PDX1: variants seen among roughly 807,000 people sequenced by gnomAD.
PDX1 encodes pancreatic and duodenal homeobox 1, also known as pancreas/duodenum homeobox protein 1.
A neutral mutation model predicts 11.1 loss-of-function variants in PDX1; 7 were observed. That is an observed-to-expected ratio of 0.63 (90% CI 0.36 to 1.19). The LOEUF (loss-of-function observed/expected upper bound fraction) is 1.19, where lower values mean the gene tolerates loss of function less well. PDX1 is among the 50% of genes most tolerant of loss of function. The probability of loss-of-function intolerance (pLI) is 0.02; values close to 1 mark genes in which losing one functional copy is unlikely to be tolerated. For missense variants in PDX1, 449 were observed against 412.1 expected, an observed-to-expected ratio of 1.09 and a Z score of -0.78; for synonymous variants, 232 against 196.2, an observed-to-expected ratio of 1.18 and a Z score of -1.53.
chr13:27,924,543 G>T lies in PDX1; in HGVS notation c.694G>T (p.Gly232Cys). ...EPEQDCAVTS[G>C]EELLALPPPP... Reference sequence around the variant, plus strand: ...TGAGCAGGACTGCGCCGTGACCTCCGGCGAGGAGCTTCTGGCGCTGCCGCC... The same window carrying T: ...TGAGCAGGACTGCGCCGTGACCTCCTGCGAGGAGCTTCTGGCGCTGCCGCC... The change falls in exon 2 of 2, where the codon GGC becomes TGC. Residue 232 changes from glycine to cysteine, a missense_variant. By Grantham distance (159) the Gly-to-Cys change is radical (BLOSUM62 -3). Transcript: ENST00000381033. The surrounding 1 kb of genome is among the most constrained non-coding windows in gnomAD (Gnocchi z 4.8). 1 of 1,580,772 alleles carries T rather than the reference G, an allele frequency of 6.3e-7. No homozygotes were observed. Among genetic ancestry groups the T allele is most frequent in the Non-Finnish European group, 8.6e-7 (1 of 1,165,630 alleles).
At position 27,924,898 on chromosome 13, in the gene PDX1, G is replaced by C; in HGVS notation, c.*197G>C. 2.2e-6 allele frequency: 1 copy of C among 451,384 alleles called. No homozygotes were observed. The highest frequency in any genetic ancestry group is 6.5e-5 in the South Asian group (1 of 15,438). The allele number at this position is 451,384 out of a possible 1,614,324, so 28.0% of individuals were successfully genotyped here. A position where few individuals can be genotyped will look rare whatever the true frequency, so the allele number is the denominator to read the frequency against. On this transcript the variant is annotated 3_prime_UTR_variant, in exon 2 of 2. Coordinates refer to ENST00000381033, the MANE Select transcript of PDX1 (RefSeq NM_000209.4). The surrounding 1 kb of genome is among the most constrained non-coding windows in gnomAD (Gnocchi z 4.8). ...GTTGGGGCCCCGCGGGTAGATGCCG[G>C]CAGGCCTTCCGGAAGAAAAAGAGCC...
At position 27,924,745 on chromosome 13, in the gene PDX1, G is replaced by T; in HGVS notation, c.*44G>T. 1 of 1,398,846 alleles carries T rather than the reference G, an allele frequency of 7.1e-7. No individual in the cohort carries two copies. The highest frequency in any genetic ancestry group is 9.3e-7 in the Non-Finnish European group (1 of 1,074,708). The allele number at this position is 1,398,846 out of a possible 1,614,324, so 86.7% of individuals were successfully genotyped here. A position where few individuals can be genotyped will look rare whatever the true frequency, so the allele number is the denominator to read the frequency against. ...GGCTGAGGGGCTTCAACCACTCGCC[G>T]AGGAGGAGCAGAGGGCCTAGGAGGA... is the stretch of plus-strand genomic sequence containing the variant. On this transcript the variant is annotated 3_prime_UTR_variant, in exon 2 of 2. Transcript: ENST00000381033. The surrounding 1 kb of genome is among the most constrained non-coding windows in gnomAD (Gnocchi z 4.8).
Position 27,924,569 on chromosome 13 carries a change from GC to G in PDX1, c.722del (p.Pro241ArgfsTer65), listed in dbSNP as rs1566025706. 2.6e-6 allele frequency: 4 copies of G among 1,511,862 alleles called. No homozygotes were observed. Among genetic ancestry groups the G allele is most frequent in the Non-Finnish European group, 2.6e-6 (3 of 1,135,470 alleles). 93.7% of individuals were successfully genotyped at this position (1,511,862 alleles called of 1,614,324 possible). ...SGEELLALPPPPPPGGAVPPA... is the reference protein window; with the variant it reads ...SGEELLALPPXPPPGGAVPPA... The stretch of plus-strand genomic sequence containing the variant: ...GCGAGGAGCTTCTGGCGCTGCCGCC[GC>G]CGCCGCCCCCCGGAGGTGCTGTGCC... On this transcript the variant is annotated frameshift_variant, in exon 2 of 2. Coordinates refer to ENST00000381033, the MANE Select transcript of PDX1 (RefSeq NM_000209.4). LOFTEE classifies it low-confidence loss of function (END_TRUNC). This position sits in a 1 kb window ranked among gnomAD's most constrained non-coding sequence, Gnocchi z 4.8.
Position 27,925,497 on chromosome 13 carries a change from T to C in PDX1, c.*796T>C. Reference sequence around the variant, plus strand: ...CTCCCTCCTCTTCCTCTTCCTCCTCTTCCACGTGCTCTCCTTTCCTCCCCC... The same window carrying C: ...CTCCCTCCTCTTCCTCTTCCTCCTCCTCCACGTGCTCTCCTTTCCTCCCCC... On this transcript the variant is annotated 3_prime_UTR_variant, in exon 2 of 2. Coordinates refer to ENST00000381033, the MANE Select transcript of PDX1 (RefSeq NM_000209.4). 6.8e-6 allele frequency: 1 copy of C among 147,960 alleles called. No homozygotes were observed. The highest frequency in any genetic ancestry group is 1.4e-4 in the South Asian group (1 of 6,986). 9.2% of individuals were successfully genotyped at this position (147,960 alleles called of 1,614,324 possible). A position where few individuals can be genotyped will look rare whatever the true frequency, so the allele number is the denominator to read the frequency against.
chr13:27,920,586 C>A, intron 1 of PDX1, 42 bp downstream of exon 1: 1 of 1,603,920 alleles, frequency 6.2e-7, no homozygotes, highest in Non-Finnish European at 8.5e-7. Context: ...CCGGTTCTCA[C>A]CCGGCCGCCT....
chr13:27,924,865 A>T lies in PDX1; in HGVS notation c.*164A>T, dbSNP rs1245021844. 3.5e-6 allele frequency: 2 copies of T among 577,578 alleles called. No homozygotes were observed. The highest frequency in any genetic ancestry group is 7.1e-5 in the East Asian group (2 of 28,310). 35.8% of individuals were successfully genotyped at this position (577,578 alleles called of 1,614,324 possible). A position where few individuals can be genotyped will look rare whatever the true frequency, so the allele number is the denominator to read the frequency against. ...GGGGAAAACCCGCTCTCTCAGGCGC[A>T]TGTGCCAGTTGGGGCCCCGCGGGTA... On this transcript the variant is annotated 3_prime_UTR_variant, in exon 2 of 2. Coordinates refer to ENST00000381033, the MANE Select transcript of PDX1 (RefSeq NM_000209.4). The surrounding 1 kb of genome is among the most constrained non-coding windows in gnomAD (Gnocchi z 4.8).
At position 27,920,130 on chromosome 13, in the gene PDX1, G is replaced by C. The variant is rs1219019524; in HGVS notation, c.-9G>C. ...CCCGGCTCCCGGTGCCCAATCCCGG[G>C]CCGCAGCCATGAACGGCGAGGAGCA... On this transcript the variant is annotated 5_prime_UTR_variant, in exon 1 of 2. Transcript: ENST00000381033. The C allele has an allele frequency of 2.6e-6, 4 of 1,549,406 alleles. No individual in the cohort carries two copies. The African/African-American group carries it at 5.5e-5, about 21-fold the overall frequency.
At position 27,920,115 on chromosome 13, in the gene PDX1, G is replaced by A. The variant is rs779510037; in HGVS notation, c.-24G>A. The A allele has an allele frequency of 1.3e-6, 2 of 1,549,022 alleles. No individual in the cohort carries two copies. Among genetic ancestry groups the A allele is most frequent in the Non-Finnish European group, 8.7e-7 (1 of 1,146,468 alleles). Reference sequence around the variant, plus strand: ...TCCCGGCTCCCGGCTCCCGGCTCCCGGTGCCCAATCCCGGGCCGCAGCCAT... The same window carrying A: ...TCCCGGCTCCCGGCTCCCGGCTCCCAGTGCCCAATCCCGGGCCGCAGCCAT... On this transcript the variant is annotated 5_prime_UTR_variant, in exon 1 of 2. Coordinates refer to ENST00000381033, the MANE Select transcript of PDX1 (RefSeq NM_000209.4).
In PDX1 at chr13:27,920,086, C is replaced by T; in HGVS notation, c.-53C>T. 1 of 1,547,044 alleles carries T rather than the reference C, an allele frequency of 6.5e-7. No individual in the cohort carries two copies. The highest frequency in any genetic ancestry group is 8.7e-7 in the Non-Finnish European group (1 of 1,145,320). ...GTGCCAAATCCCCGGCTCCAGCTCCCGACTCCCGGCTCCCGGCTCCCGGCT... is the reference window on the plus strand; with the variant it reads ...GTGCCAAATCCCCGGCTCCAGCTCCTGACTCCCGGCTCCCGGCTCCCGGCT... On this transcript the variant is annotated 5_prime_UTR_variant, in exon 1 of 2. Transcript: ENST00000381033.
rs1004308050 is a variant in PDX1 at position 27,920,284 on chromosome 13, C to G, written c.146C>G (p.Pro49Arg). 40 of 1,539,986 alleles carry G rather than the reference C, an allele frequency of 2.6e-5. No individual in the cohort carries two copies. The highest frequency in any genetic ancestry group is 3.1e-5 in the Non-Finnish European group (35 of 1,142,716). ...CAGCCCCCGCCGCCGCCGCCGCACC[C>G]GTTCCCTGGCGCCCTGGGCGCGCTG... ...GRQPPPPPPHPFPGALGALEQ... is the reference protein window; with the variant it reads ...GRQPPPPPPHRFPGALGALEQ... The change falls in exon 1 of 2, where the codon CCG (proline) becomes CGG (arginine). Residue 49 changes from proline to arginine, a missense_variant. By Grantham distance (103) the Pro-to-Arg change is moderately radical. Around this residue, in one of 3 missense-constraint regions of PDX1, gnomAD observed 263 missense variants for 212.5 expected, o/e 1.24. Coordinates refer to ENST00000381033, the MANE Select transcript of PDX1 (RefSeq NM_000209.4).
chr13:27,926,228 C>CT lies in PDX1; in HGVS notation c.*1528dup, dbSNP rs1354352789. On this transcript the variant is annotated 3_prime_UTR_variant, in exon 2 of 2. Coordinates refer to ENST00000381033, the MANE Select transcript of PDX1 (RefSeq NM_000209.4). ...CTGATAATATGGGAAGAGATGAAAA[C>CT]TGATTCTCCTCACTTTGTTTCAAAC... is the stretch of plus-strand genomic sequence containing the variant. 2 of 152,218 alleles carry CT rather than the reference C, an allele frequency of 1.3e-5. No homozygotes were observed. Among genetic ancestry groups the CT allele is most frequent in the Admixed American group, 6.5e-5 (1 of 15,284 alleles). The allele number at this position is 152,218 out of a possible 1,614,324, so 9.4% of individuals were successfully genotyped here.
rs1957769052 is a variant in PDX1 at position 27,920,031 on chromosome 13, G to C, written c.-108G>C. On this transcript the variant is annotated 5_prime_UTR_variant, in exon 1 of 2. Coordinates refer to ENST00000381033, the MANE Select transcript of PDX1 (RefSeq NM_000209.4). ...AGTGCGGAGCTGTCAAAGCGAGCAGGGGTGGCGCCGGGAGTGGGAACGCCA... is the reference window on the plus strand; with the variant it reads ...AGTGCGGAGCTGTCAAAGCGAGCAGCGGTGGCGCCGGGAGTGGGAACGCCA... The C allele has an allele frequency of 7.6e-7, 1 of 1,309,206 alleles. No individual in the cohort carries two copies. Among genetic ancestry groups the C allele is most frequent in the Admixed American group, 2.4e-5 (1 of 42,176 alleles). 81.1% of individuals were successfully genotyped at this position (1,309,206 alleles called of 1,614,324 possible). A position where few individuals can be genotyped will look rare whatever the true frequency, so the allele number is the denominator to read the frequency against.
Position 27,920,010 on chromosome 13 carries a change from C to T in PDX1, c.-129C>T, listed in dbSNP as rs1013539827. 22 of 1,195,116 alleles carry T rather than the reference C, an allele frequency of 1.8e-5. No individual in the cohort carries two copies. The highest frequency in any genetic ancestry group is 3.0e-5 in the African/African-American group (2 of 65,904). 74.0% of individuals were successfully genotyped at this position (1,195,116 alleles called of 1,614,324 possible). A position where few individuals can be genotyped will look rare whatever the true frequency, so the allele number is the denominator to read the frequency against. ...CTGTGGGTTCCCTCTGAGATCAGTG[C>T]GGAGCTGTCAAAGCGAGCAGGGGTG... On this transcript the variant is annotated 5_prime_UTR_variant, in exon 1 of 2. Transcript: ENST00000381033.
Position 27,924,928 on chromosome 13 carries a change from GT to G in PDX1, c.*232del. On this transcript the variant is annotated 3_prime_UTR_variant, in exon 2 of 2. Coordinates refer to ENST00000381033, the MANE Select transcript of PDX1 (RefSeq NM_000209.4). The surrounding 1 kb of genome is among the most constrained non-coding windows in gnomAD (Gnocchi z 4.8). ...CCTTCCGGAAGAAAAAGAGCCATTG[GT>G]TTTTGTAGTATTGGGGCCCTCTTTT... is the stretch of plus-strand genomic sequence containing the variant. 1 of 442,194 alleles carries G rather than the reference GT, an allele frequency of 2.3e-6. No homozygotes were observed. The allele number at this position is 442,194 out of a possible 1,614,324, so 27.4% of individuals were successfully genotyped here.
Position 27,920,087 on chromosome 13 carries a change from G to T in PDX1, c.-52G>T, listed in dbSNP as rs1488837399. ...TGCCAAATCCCCGGCTCCAGCTCCCGACTCCCGGCTCCCGGCTCCCGGCTC... is the reference window on the plus strand; with the variant it reads ...TGCCAAATCCCCGGCTCCAGCTCCCTACTCCCGGCTCCCGGCTCCCGGCTC... On this transcript the variant is annotated 5_prime_UTR_variant, in exon 1 of 2. Transcript: ENST00000381033. The T allele has an allele frequency of 2.6e-6, 4 of 1,546,918 alleles. No individual in the cohort carries two copies. The highest frequency in any genetic ancestry group is 3.9e-5 in the Admixed American group (2 of 50,956).
At position 27,920,354 on chromosome 13, in the gene PDX1, C is replaced by G. The variant is rs193922353; in HGVS notation, c.216C>G (p.Pro72=). 6.5e-7 allele frequency: 1 copy of G among 1,543,074 alleles called. No individual in the cohort carries two copies. Among genetic ancestry groups the G allele is most frequent in the Non-Finnish European group, 8.8e-7 (1 of 1,142,618 alleles). Residue 72 remains proline, a synonymous_variant, in exon 1 of 2, where the codon CCC becomes CCG. Coordinates refer to ENST00000381033, the MANE Select transcript of PDX1 (RefSeq NM_000209.4). ...ACATCTCCCCGTACGAGGTGCCCCC[C>G]CTCGCCGACGACCCCGCGGTGGCGC... ...PPDISPYEVP[P]LADDPAVAHL...
rs1217156206 is a variant in PDX1, at chr13:27,920,252, G to T, written c.114G>T (p.Met38Ile). The T allele has an allele frequency of 1.3e-6, 2 of 1,543,900 alleles. No individual in the cohort carries two copies. Among genetic ancestry groups the T allele is most frequent in the Non-Finnish European group, 1.7e-6 (2 of 1,144,228 alleles). The change falls in exon 1 of 2, where the codon ATG (methionine) becomes ATT (isoleucine). Residue 38 changes from methionine to isoleucine, a missense_variant. Transcript: ENST00000381033. Reference protein sequence around the residue: ...FSASPPACLYMGRQPPPPPPH... With the variant: ...FSASPPACLYIGRQPPPPPPH... ...CCAGCCCCCCTGCGTGCCTGTACAT[G>T]GGCCGCCAGCCCCCGCCGCCGCCGC...
chr13:27,926,302 G>A lies in PDX1; in HGVS notation c.*1601G>A, dbSNP rs907808996. ...AATTCACTTTTAAAATTAAATTAGCGTGTTTTGTTTTGTTTTGTTTTTGTT... is the reference window on the plus strand; with the variant it reads ...AATTCACTTTTAAAATTAAATTAGCATGTTTTGTTTTGTTTTGTTTTTGTT... On this transcript the variant is annotated 3_prime_UTR_variant, in exon 2 of 2. Transcript: ENST00000381033. The A allele has an allele frequency of 6.6e-6, 1 of 152,076 alleles. No homozygotes were observed. Among genetic ancestry groups the A allele is most frequent in the African/African-American group, 2.4e-5 (1 of 41,396 alleles). 9.4% of individuals were successfully genotyped at this position (152,076 alleles called of 1,614,324 possible).
chr13:27,922,163 C>T (rs1035670595), intron 1 of PDX1, among the ~76,000 whole-genome samples: 6 of 152,226 alleles, frequency 3.9e-5, no homozygotes, highest in African/African-American at 1.4e-4. Flanking sequence ...AGGGGTGATA[C>T]CTCTGCTCTG....
Sources: allele counts gnomAD v4.1 joint callset (sites outside exome capture counted in the v4.1 genomes callset), GRCh38; gene constraint gnomAD v4.1.1; regional missense constraint gnomAD v4.1.1; non-coding constraint Gnocchi (gnomAD v3.1); transcripts MANE v1.5; gene names NCBI Gene and HGNC (gene_info 2026-07-23, HGNC 2026-07-21).